Variants in MON1A observed in about 807,000 individuals in gnomAD.
MON1A encodes vacuolar fusion protein MON1 homolog A.
In MON1A, 29 loss-of-function variants were observed where a neutral mutation model predicts 44.6. That is an observed-to-expected ratio of 0.65 (90% CI 0.48 to 0.89). The LOEUF (loss-of-function observed/expected upper bound fraction) is 0.89, where lower values mean the gene tolerates loss of function less well. MON1A is among the 40% of genes least tolerant of loss of function. MON1A has a pLI of 0.00. For missense variants in MON1A, 615 were observed against 759.6 expected (o/e 0.81, Z 2.24); for synonymous variants, 275 against 316.4 (o/e 0.87, Z 1.39).
At position 49,910,557 on chromosome 3, in the gene MON1A, C is replaced by A; in HGVS notation, c.941G>T (p.Arg314Leu). The A allele has an allele frequency of 1.9e-6, 3 of 1,612,020 alleles. No homozygotes were observed. Among genetic ancestry groups the A allele is most frequent in the Non-Finnish European group, 2.5e-6 (3 of 1,179,016 alleles). Reference protein sequence around the residue: ...DTVSASLQQARARSLVFSILL... With the variant: ...DTVSASLQQALARSLVFSILL... ...GATGGAGAAGACCAGGCTGCGCGCA[C>A]GCGCCTGCTGCAGGCTGGCGCTCAC... is the stretch of plus-strand genomic sequence containing the variant. The change falls in exon 4 of 6, where the codon CGT (arginine) becomes CTT (leucine). Residue 314 changes from arginine (R) to leucine (L), a missense_variant. Transcript: ENST00000296473. The surrounding 1 kb of genome is among the most constrained non-coding windows in gnomAD (Gnocchi z 8.0).
At chr3:49,926,040 A>G (rs895765178) in intron 1 of MON1A, among the ~76,000 whole-genome samples, 1 of 152,178 alleles carries the variant, frequency 6.6e-6, no homozygotes, top group Non-Finnish European at 1.5e-5. Context: ...ACAACTCTGT[A>G]ATGGTCCCAC....
At chr3:49,926,036 C>T (rs1346983978) in intron 1 of MON1A, among the ~76,000 whole-genome samples, 1 of 152,196 alleles carries the variant, frequency 6.6e-6, no homozygotes, top group Non-Finnish European at 1.5e-5. Context: ...GCTCACAACT[C>T]TGTAATGGTC....
rs2082881008 is a variant in MON1A at position 49,911,239 on chromosome 3, TAG to T, written c.613+285_613+286del. Among the ~76,000 whole-genome samples the T allele has an allele frequency of 6.9e-6, 1 of 144,692 alleles. No homozygotes were observed. Among genetic ancestry groups the T allele is most frequent in the African/African-American group, 2.5e-5 (1 of 39,746 alleles). 94.9% of individuals were successfully genotyped at this position (144,692 alleles called of 152,430 possible). A position where few individuals can be genotyped will look rare whatever the true frequency, so the allele number is the denominator to read the frequency against. ...ATAGATAGATAGATAGATAGATAGATAGATAGAGTTTGTTGTTGTTGTTGTTG... is the reference window on the plus strand; with the variant it reads ...ATAGATAGATAGATAGATAGATAGATATAGAGTTTGTTGTTGTTGTTGTTG... On this transcript the variant is annotated intron_variant, in intron 3 of 5. Transcript: ENST00000296473. The surrounding 1 kb of genome is among the most constrained non-coding windows in gnomAD (Gnocchi z 5.7).
intron 1 of MON1A, chr3:49,915,852 A>C (rs1172370020): frequency 6.6e-6 from 1 of 152,266 alleles, no homozygotes; most frequent in African/African-American, 2.4e-5. Flanking sequence ...CAGTGGTAAC[A>C]GAGCTAGCTG....
rs755823900 is a variant in MON1A at position 49,908,973 on chromosome 3, A to C, written c.*41T>G. On this transcript the variant is annotated 3_prime_UTR_variant, in exon 6 of 6. Coordinates refer to ENST00000296473, the MANE Select transcript of MON1A (RefSeq NM_032355.4). ...TCTGGAGGCTCCTATGGCTTCCCAC[A>C]CCTAGTGTGTCCAGGAAGGCTGAGC... The C allele has an allele frequency of 6.7e-5, 105 of 1,576,768 alleles. No individual in the cohort carries two copies. Among genetic ancestry groups the C allele is most frequent in the Non-Finnish European group, 8.8e-5 (102 of 1,158,136 alleles).
At chr3:49,917,775 G>C (rs1341224776) in intron 1 of MON1A, among the ~76,000 whole-genome samples, 1 of 151,946 alleles carries the variant, frequency 6.6e-6, no homozygotes, top group East Asian at 2.0e-4. Flanking sequence ...GGGCGAGTGT[G>C]GTGGCTCACG....
chr3:49,911,019 T>G lies in MON1A; in HGVS notation c.614-135A>C. 7 of 891,144 alleles carry G rather than the reference T, an allele frequency of 7.9e-6. No individual in the cohort carries two copies. In the South Asian group the frequency reaches 1.3e-4, roughly 16 times the overall value. 55.2% of individuals were successfully genotyped at this position (891,144 alleles called of 1,614,324 possible). On this transcript the variant is annotated intron_variant, in intron 3 of 5. Transcript: ENST00000296473. The surrounding 1 kb of genome is among the most constrained non-coding windows in gnomAD (Gnocchi z 5.7). Reference sequence around the variant, plus strand: ...TGCGCACAGTAGGGGTTTAAGGATGTTCAGGATAAAAACCCATTGCTCCTT... The same window carrying G: ...TGCGCACAGTAGGGGTTTAAGGATGGTCAGGATAAAAACCCATTGCTCCTT...
rs929369216 is a variant in MON1A, at chr3:49,909,864, C to G, written c.1379+255G>C. 1.5e-5 allele frequency: 7 copies of G among 455,006 alleles called. No homozygotes were observed. The highest frequency in any genetic ancestry group is 2.7e-5 in the Non-Finnish European group (7 of 258,826). The allele number at this position is 455,006 out of a possible 1,614,324, so 28.2% of individuals were successfully genotyped here. On this transcript the variant is annotated intron_variant, in intron 4 of 5. Transcript: ENST00000296473. The surrounding 1 kb of genome is among the most constrained non-coding windows in gnomAD (Gnocchi z 4.0). Reference sequence around the variant, plus strand: ...GCTCCAGGGCAAGGGACCCCGGAGACCTCTGTTCCAGTTTCCTTCTCTGGG... The same window carrying G: ...GCTCCAGGGCAAGGGACCCCGGAGAGCTCTGTTCCAGTTTCCTTCTCTGGG...
intron 1 of MON1A, among the ~76,000 whole-genome samples, chr3:49,919,006 ACCCCATCT>A (rs1008962258): frequency 1.3e-5 from 2 of 151,940 alleles, no homozygotes; most frequent in African/African-American, 4.8e-5. Context: ...ACATGGTAAA[ACCCCATCT>A]CTACAAAAAG....
chr3:49,914,615 T>C (rs2082927549), intron 1 of MON1A, among the ~76,000 whole-genome samples: 1 of 138,870 alleles, frequency 7.2e-6, no homozygotes, highest in Non-Finnish European at 1.5e-5. Flanking sequence ...TGGTGCGATC[T>C]CAGCTCACTG....
chr3:49,922,762 G>A (rs999316196), intron 1 of MON1A, among the ~76,000 whole-genome samples: 2 of 150,990 alleles, frequency 1.3e-5, no homozygotes, highest in East Asian at 2.0e-4. Flanking sequence ...GCAATGGCGC[G>A]ATCTCAGCTC....
At position 49,909,522 on chromosome 3, in the gene MON1A, T is replaced by C. The variant is rs2082850290; in HGVS notation, c.1380-122A>G. The stretch of plus-strand genomic sequence containing the variant: ...ATCTTATGTCCTACCCTCCAGGTGC[T>C]CCCTTAGGACAGGGCATTGTCTCCC... On this transcript the variant is annotated intron_variant, in intron 4 of 5. Transcript: ENST00000296473. This position sits in a 1 kb window ranked among gnomAD's most constrained non-coding sequence, Gnocchi z 4.0. 1 of 1,355,708 alleles carries C rather than the reference T, an allele frequency of 7.4e-7. No individual in the cohort carries two copies. The highest frequency in any genetic ancestry group is 2.3e-5 in the East Asian group (1 of 42,814). The allele number at this position is 1,355,708 out of a possible 1,614,324, so 84.0% of individuals were successfully genotyped here. A position where few individuals can be genotyped will look rare whatever the true frequency, so the allele number is the denominator to read the frequency against.
chr3:49,914,907 C>T (rs1219474923), intron 1 of MON1A, among the ~76,000 whole-genome samples: 1 of 152,100 alleles, frequency 6.6e-6, no homozygotes, highest in Non-Finnish European at 1.5e-5. Context: ...TCTCAAACTA[C>T]TAGGCTCAAG....
At chr3:49,912,458 A>C in intron 2 of MON1A, 1 of 166,472 alleles carries the variant, frequency 6.0e-6, no homozygotes, top group Non-Finnish European at 1.3e-5. Flanking sequence ...CTGACCTCCA[A>C]CCCCAGGCAC....
intron 1 of MON1A, among the ~76,000 whole-genome samples, chr3:49,919,653 T>C (rs2082979273): frequency 6.6e-6 from 1 of 152,158 alleles, no homozygotes; most frequent in Non-Finnish European, 1.5e-5. Flanking sequence ...CTAATTTTTG[T>C]ATTTTTAGTA....
chr3:49,928,214 T>C (rs922938110), intron 1 of MON1A, among the ~76,000 whole-genome samples: 2 of 152,146 alleles, frequency 1.3e-5, no homozygotes, highest in East Asian at 1.9e-4. Context: ...CAGCATCTCC[T>C]AGGTCAGTCT....
In MON1A at chr3:49,910,824, G is replaced by T. The variant is rs370176992; in HGVS notation, c.674C>A (p.Thr225Lys). The change falls in exon 4 of 6, where the codon ACG (threonine) becomes AAG (lysine). Residue 225 changes from threonine to lysine, a missense_variant. Thr to Lys is a moderately conservative substitution (Grantham distance 78, BLOSUM62 -1). Transcript: ENST00000296473. This position sits in a 1 kb window ranked among gnomAD's most constrained non-coding sequence, Gnocchi z 8.0. ...SPLVLVAVAR[T>K]RQSAQELAQE... ...CGCCAGCTCTTGTGCCGACTGCCGCGTACGAGCCACCGCCACTAGCACCAG... is the reference window on the plus strand; with the variant it reads ...CGCCAGCTCTTGTGCCGACTGCCGCTTACGAGCCACCGCCACTAGCACCAG... 1.2e-6 allele frequency: 2 copies of T among 1,610,636 alleles called. No homozygotes were observed. Among genetic ancestry groups the T allele is most frequent in the Non-Finnish European group, 1.7e-6 (2 of 1,178,088 alleles).
At chr3:49,926,895 C>T (rs2083056437) in intron 1 of MON1A, among the ~76,000 whole-genome samples, 1 of 151,904 alleles carries the variant, frequency 6.6e-6, no homozygotes, top group Non-Finnish European at 1.5e-5. Flanking sequence ...TCTTGTGCCT[C>T]AGCCTCCCGA....
At chr3:49,912,103 G>T in intron 2 of MON1A, 92 bp from the exon 3 acceptor site, 1 of 1,437,134 alleles carries the variant, frequency 7.0e-7, no homozygotes, top group Non-Finnish European at 9.3e-7. Context: ...CAGCATGACT[G>T]CCTGTCTTGT....
Sources: gnomAD v4.1 joint callset for allele counts (sites outside exome capture counted in the v4.1 genomes callset) on GRCh38, gnomAD v4.1.1 for gene constraint, Gnocchi (gnomAD v3.1) non-coding constraint, MANE v1.5 for transcripts, NCBI Gene and HGNC (gene_info 2026-07-23, HGNC 2026-07-21) for gene names.